Variants in RIMBP2 observed in about 807,000 individuals in gnomAD.
RIMBP2 encodes the protein RIMS-binding protein 2.
Under a neutral mutation model 118.6 loss-of-function variants are expected in RIMBP2, and 48 were observed. That is an observed-to-expected ratio of 0.40 (90% CI 0.32 to 0.51). RIMBP2 has a LOEUF of 0.51. Ranked by LOEUF, RIMBP2 falls within the 20% of genes least tolerant of loss-of-function variation. The pLI is 0.41. For missense variants in RIMBP2, 1,551 were observed against 1,768.3 expected, an observed-to-expected ratio of 0.88 and a Z score of 2.20; for synonymous variants, 762 against 742.9, an observed-to-expected ratio of 1.03 and a Z score of -0.42.
chr12:130,514,515 C>A (rs1002812113), intron 3 of RIMBP2, among the ~76,000 whole-genome samples: 1 of 152,150 alleles, frequency 6.6e-6, no homozygotes, highest in Non-Finnish European at 1.5e-5. Flanking sequence ...GCACCCCCAT[C>A]CCCCCACAGC....
chr12:130,595,626 G>A (rs1433274710), intron 2 of RIMBP2, among the ~76,000 whole-genome samples: 1 of 152,168 alleles, frequency 6.6e-6, no homozygotes, highest in East Asian at 1.9e-4. Flanking sequence ...TCCTTGCCTT[G>A]AATAATTAAC....
At chr12:130,575,536 T>C (rs1242568635) in intron 2 of RIMBP2, among the ~76,000 whole-genome samples, 1 of 152,184 alleles carries the variant, frequency 6.6e-6, no homozygotes, top group African/African-American at 2.4e-5. Flanking sequence ...TGCATTCACC[T>C]ATAATAACTA....
intron 11 of RIMBP2, among the ~76,000 whole-genome samples, chr12:130,441,072 C>T (rs568417377): frequency 6.6e-6 from 1 of 152,172 alleles, no homozygotes; most frequent in African/African-American, 2.4e-5. Context: ...CACATCGCGG[C>T]GAAAATAGCT....
At chr12:130,633,159 G>A (rs539297939) in intron 1 of RIMBP2, among the ~76,000 whole-genome samples, 40 of 152,260 alleles carry the variant, frequency 2.6e-4, no homozygotes, top group African/African-American at 8.9e-4. Context: ...AACTAACAGC[G>A]GACCTACATG....
chr12:130,697,165 A>G (rs932972686), intron 1 of RIMBP2, among the ~76,000 whole-genome samples: 6 of 152,254 alleles, frequency 3.9e-5, no homozygotes, highest in African/African-American at 1.4e-4. Context: ...CAGGAGACAC[A>G]ATACCGGACG....
Position 130,664,382 on chromosome 12 carries a change from C to CAT in RIMBP2, c.-351-35927_-351-35926insAT, listed in dbSNP as rs1566438724. Among the ~76,000 whole-genome samples, 4 of 113,192 alleles carry CAT rather than the reference C, an allele frequency of 3.5e-5. No individual in the cohort carries two copies. In the South Asian group the frequency reaches 9.1e-4, roughly 26 times the overall value. 74.3% of individuals were successfully genotyped at this position (113,192 alleles called of 152,430 possible). A position where few individuals can be genotyped will look rare whatever the true frequency, so the allele number is the denominator to read the frequency against. On this transcript the variant is annotated intron_variant, in intron 1 of 22. Coordinates refer to ENST00000690449, the MANE Select transcript of RIMBP2 (RefSeq NM_001393629.1). ...ACACATATGCACGTGCATGCACGCA[C>CAT]GCGCATGCACACACACGCACGCACG...
At chr12:130,597,275 G>A (rs756001802) in intron 2 of RIMBP2, among the ~76,000 whole-genome samples, 2 of 152,232 alleles carry the variant, frequency 1.3e-5, no homozygotes, top group East Asian at 1.9e-4. Context: ...ACGGAGTCTC[G>A]CTCTGTCTCC....
At chr12:130,684,315 C>G (rs887193606) in intron 1 of RIMBP2, among the ~76,000 whole-genome samples, 1 of 152,192 alleles carries the variant, frequency 6.6e-6, no homozygotes, top group Non-Finnish European at 1.5e-5. Context: ...TTCCATGTCT[C>G]CCAAAAATGT....
intron 1 of RIMBP2, among the ~76,000 whole-genome samples, chr12:130,673,241 C>G (rs554505137): frequency 6.6e-6 from 1 of 152,366 alleles, no homozygotes; most frequent in South Asian, 2.1e-4. Context: ...GACAACTCAA[C>G]TCGCGGGCTG....
intron 2 of RIMBP2, among the ~76,000 whole-genome samples, chr12:130,567,998 A>C (rs1295830581): frequency 6.6e-6 from 1 of 152,168 alleles, no homozygotes; most frequent in Non-Finnish European, 1.5e-5. Context: ...ACCAATTAAA[A>C]AAAAAGGCCC....
chr12:130,644,164 C>T (rs1331479610), intron 1 of RIMBP2, among the ~76,000 whole-genome samples: 1 of 152,202 alleles, frequency 6.6e-6, no homozygotes, highest in African/African-American at 2.4e-5. Context: ...TAGCCTCTCC[C>T]ATTGAGACGA....
In RIMBP2 at chr12:130,420,698, A is replaced by G. The variant is rs2076358206; in HGVS notation, c.3238+1755T>C. Among the ~76,000 whole-genome samples, 1 of 152,218 alleles carries G rather than the reference A, an allele frequency of 6.6e-6. No individual in the cohort carries two copies. Among genetic ancestry groups the G allele is most frequent in the African/African-American group, 2.4e-5 (1 of 41,446 alleles). On this transcript the variant is annotated intron_variant, in intron 17 of 22. Transcript: ENST00000690449. This position sits in a 1 kb window ranked among gnomAD's most constrained non-coding sequence, Gnocchi z 4.3. ...ACAAAAAATAATTATTTAAGCCAAT[A>G]TTGAGTCTAAGTCCAAGCAACAAGA...
chr12:130,464,348 T>G (rs1162140552), intron 6 of RIMBP2, among the ~76,000 whole-genome samples: 15 of 152,196 alleles, frequency 9.9e-5, no homozygotes, highest in Admixed American at 7.9e-4. Context: ...TGTGCTGTCT[T>G]TATGTGATTT....
intron 2 of RIMBP2, among the ~76,000 whole-genome samples, chr12:130,598,065 C>G (rs1033088943): frequency 6.6e-6 from 1 of 152,004 alleles, no homozygotes; most frequent in Non-Finnish European, 1.5e-5. Context: ...GATCAACATA[C>G]AAAAAATAAT....
chr12:130,534,910 T>C (rs1409547077), intron 2 of RIMBP2, among the ~76,000 whole-genome samples: 1 of 152,344 alleles, frequency 6.6e-6, no homozygotes, highest in East Asian at 1.9e-4. Context: ...CTGTGGTCCA[T>C]GAGGAACATG....
rs767418785 is a variant in RIMBP2 at position 130,442,149 on chromosome 12, C to T, written c.1203G>A (p.Leu401=). The part of the protein sequence containing the change: ...RGSSDELQCT[L]LVGKDVVVAP... ...CCACCACCACGTCCTTGCCCACCAG[C>T]AGCGTGCACTGCAGCTCATCCGAGC... The change falls in exon 11 of 23, where the codon CTG becomes CTA. Residue 401 remains leucine, a synonymous_variant. Coordinates refer to ENST00000690449, the MANE Select transcript of RIMBP2 (RefSeq NM_001393629.1). The surrounding 1 kb of genome is among the most constrained non-coding windows in gnomAD (Gnocchi z 6.9). The T allele has an allele frequency of 1.9e-6, 3 of 1,614,160 alleles. No homozygotes were observed. In the South Asian group the frequency reaches 3.3e-5, roughly 18 times the overall value.
intron 2 of RIMBP2, among the ~76,000 whole-genome samples, chr12:130,590,906 C>T (rs189566811): frequency 1.3e-5 from 2 of 152,314 alleles, no homozygotes; most frequent in Admixed American, 6.5e-5. Context: ...CACGAACTTC[C>T]GTGAGGAAGC....
In RIMBP2 at chr12:130,683,737, T is replaced by C. The variant is rs2064911748; in HGVS notation, c.-352+32485A>G. Among the ~76,000 whole-genome samples the C allele has an allele frequency of 6.6e-6, 1 of 152,072 alleles. No homozygotes were observed. Among genetic ancestry groups the C allele is most frequent in the African/African-American group, 2.4e-5 (1 of 41,402 alleles). ...TACACTCCCACCAGCACTACGACAATTTACAAACGCCATGGCAATGTCAGG... is the reference window on the plus strand; with the variant it reads ...TACACTCCCACCAGCACTACGACAACTTACAAACGCCATGGCAATGTCAGG... On this transcript the variant is annotated intron_variant, in intron 1 of 22. Coordinates refer to ENST00000690449, the MANE Select transcript of RIMBP2 (RefSeq NM_001393629.1). This position sits in a 1 kb window ranked among gnomAD's most constrained non-coding sequence, Gnocchi z 4.4.
chr12:130,478,834 G>T, intron 5 of RIMBP2, 78 bp downstream of exon 5: 3 of 1,051,636 alleles, frequency 2.9e-6, no homozygotes, highest in Non-Finnish European at 4.3e-6. Context: ...CAGGTCGGCC[G>T]CTCCACCACA....
Sources: allele counts gnomAD v4.1 joint callset (sites outside exome capture counted in the v4.1 genomes callset), GRCh38; gene constraint gnomAD v4.1.1; non-coding constraint Gnocchi (gnomAD v3.1); transcripts MANE v1.5; gene names NCBI Gene and HGNC (gene_info 2026-07-23, HGNC 2026-07-21).